The following CTNND2 variants were observed in gnomAD, a reference collection of about 807,000 sequenced individuals.
CTNND2 encodes catenin delta-2.
CTNND2 carries 22 observed loss-of-function variants against 144.4 expected under a neutral mutation model. The observed-to-expected ratio is 0.15, with a 90% CI of 0.11 to 0.22. The LOEUF is 0.22. Among genes scored for constraint, CTNND2 ranks in the 10% least tolerant of loss-of-function variants. The pLI is 1.00. For missense variants in CTNND2, 1,353 were observed against 1,618.8 expected (o/e 0.84, Z 2.82); for synonymous variants, 751 against 695.6 (o/e 1.08, Z -1.25).
chr5:11,875,313 A>G (rs1735480920), intron 1 of CTNND2, among the ~76,000 whole-genome samples: 1 of 152,176 alleles, frequency 6.6e-6, no homozygotes, highest in African/African-American at 2.4e-5. Context: ...TTCACTATTG[A>G]ATTTTTGTAA....
chr5:11,067,632 T>G (rs10454920), intron 16 of CTNND2, among the ~76,000 whole-genome samples: 28,679 of 152,212 alleles, frequency 0.19, 3,194 homozygotes, highest in Non-Finnish European at 0.26. Context: ...GTGAGAAACT[T>G]AGACACCTTG....
In CTNND2 at chr5:11,598,281, A is replaced by G. The variant is rs149874498; in HGVS notation, c.175-33225T>C. Among the ~76,000 whole-genome samples the G allele has an allele frequency of 4.6e-5, 7 of 152,264 alleles. No homozygotes were observed. The East Asian group carries it at 9.7e-4, about 21-fold the overall frequency. On this transcript the variant is annotated intron_variant, in intron 2 of 21. Transcript: ENST00000304623. ...CACATCATGTTCTTATTGGGTTTGT[A>G]TAATAATGATAAATCAGATTCTCCA...
intron 16 of CTNND2, among the ~76,000 whole-genome samples, chr5:11,071,021 G>T (rs187429411): frequency 6.6e-6 from 1 of 151,718 alleles, no homozygotes; most frequent in South Asian, 2.1e-4. Flanking sequence ...AAAAGGCCCA[G>T]GACACAGCAG....
chr5:11,642,941 T>C (rs1419367718), intron 2 of CTNND2, among the ~76,000 whole-genome samples: 1 of 152,166 alleles, frequency 6.6e-6, no homozygotes, highest in Admixed American at 6.5e-5. Context: ...GCTGCATGCA[T>C]TTGGGTCAGT....
At chr5:11,138,787 T>G (rs1756406228) in intron 12 of CTNND2, among the ~76,000 whole-genome samples, 1 of 152,138 alleles carries the variant, frequency 6.6e-6, no homozygotes. Context: ...GGCTTATAAT[T>G]TAGGTCATGA....
chr5:11,182,973 T>G (rs895439699), intron 11 of CTNND2, among the ~76,000 whole-genome samples: 2 of 152,220 alleles, frequency 1.3e-5, no homozygotes, highest in African/African-American at 4.8e-5. Context: ...GAGATATTCC[T>G]TTCCATTCAC....
chr5:11,903,866 G>C lies in CTNND2; in HGVS notation c.-13C>G, dbSNP rs1432090965. The C allele has an allele frequency of 2.0e-6, 3 of 1,476,874 alleles. No individual in the cohort carries two copies. Among genetic ancestry groups the C allele is most frequent in the Middle Eastern group, 1.8e-4 (1 of 5,612 alleles). 91.5% of individuals were successfully genotyped at this position (1,476,874 alleles called of 1,614,324 possible). A position where few individuals can be genotyped will look rare whatever the true frequency, so the allele number is the denominator to read the frequency against. On this transcript the variant is annotated 5_prime_UTR_variant, in exon 1 of 22. Coordinates refer to ENST00000304623, the MANE Select transcript of CTNND2 (RefSeq NM_001332.4). The surrounding 1 kb of genome is among the most constrained non-coding windows in gnomAD (Gnocchi z 5.4). ...TCCTCGCAAACATGCACCCTCCGCC[G>C]GCGACAGCTCCTCAGTCCGGGAAGA...
Position 11,611,223 on chromosome 5 carries a change from T to C in CTNND2, c.175-46167A>G, listed in dbSNP as rs187963700. ...GATGTGTTTGCTTCCCCTTCTGCCATGACTGTAAGTTTCCGGAGGCCTCGT... is the reference window on the plus strand; with the variant it reads ...GATGTGTTTGCTTCCCCTTCTGCCACGACTGTAAGTTTCCGGAGGCCTCGT... On this transcript the variant is annotated intron_variant, in intron 2 of 21. Coordinates refer to ENST00000304623, the MANE Select transcript of CTNND2 (RefSeq NM_001332.4). Among the ~76,000 whole-genome samples, 5 of 152,302 alleles carry C rather than the reference T, an allele frequency of 3.3e-5. No individual in the cohort carries two copies. The East Asian group carries it at 5.8e-4, about 18-fold the overall frequency.
At chr5:11,375,181 AC>A (rs1274761658) in intron 7 of CTNND2, among the ~76,000 whole-genome samples, 5 of 152,178 alleles carry the variant, frequency 3.3e-5, no homozygotes, top group Non-Finnish European at 5.9e-5. Context: ...CTTCTAAAAT[AC>A]AAACTGAAAA....
chr5:11,646,431 T>G (rs2126521998), intron 2 of CTNND2, among the ~76,000 whole-genome samples: 1 of 152,266 alleles, frequency 6.6e-6, no homozygotes, highest in South Asian at 2.1e-4. Flanking sequence ...TGCCAGAGCC[T>G]TTCACAATAA....
intron 1 of CTNND2, among the ~76,000 whole-genome samples, chr5:11,835,313 C>T (rs1794119489): frequency 6.6e-6 from 1 of 152,170 alleles, no homozygotes; most frequent in South Asian, 2.1e-4. Flanking sequence ...AATGTGGCCT[C>T]ATAAAATGAG....
intron 3 of CTNND2, among the ~76,000 whole-genome samples, chr5:11,430,560 C>A (rs1763204801): frequency 6.6e-6 from 1 of 152,130 alleles, no homozygotes; most frequent in African/African-American, 2.4e-5. Context: ...AATGCACTAT[C>A]CTGGGAAATG....
intron 3 of CTNND2, among the ~76,000 whole-genome samples, chr5:11,506,728 C>T (rs1771080343): frequency 6.6e-6 from 1 of 152,174 alleles, no homozygotes; most frequent in South Asian, 2.1e-4. Context: ...GAGGCATGCC[C>T]AGGGCTTGGC....
At chr5:11,782,611 T>C (rs1790604426) in intron 1 of CTNND2, among the ~76,000 whole-genome samples, 2 of 152,212 alleles carry the variant, frequency 1.3e-5, no homozygotes. Context: ...TTAATAATGG[T>C]TACATTCCAC....
rs150747148 is a variant in CTNND2 at position 11,112,742 on chromosome 5, C to T, written c.2278-1699G>A. Reference sequence around the variant, plus strand: ...TGGGATCTAGGGCTAGCCGGCTTGGCTTCCAATCCTGGGCCTACCATTTCA... The same window carrying T: ...TGGGATCTAGGGCTAGCCGGCTTGGTTTCCAATCCTGGGCCTACCATTTCA... On this transcript the variant is annotated intron_variant, in intron 13 of 21. Transcript: ENST00000304623. 1.1e-3 allele frequency among the ~76,000 whole-genome samples: 164 copies of T among 152,336 alleles called. 2 individuals are homozygous for T. In the East Asian group the frequency reaches 0.028, roughly 26 times the overall value.
chr5:11,237,693 C>A lies in CTNND2; in HGVS notation c.1629-870G>T, dbSNP rs138807144. Among the ~76,000 whole-genome samples the A allele has an allele frequency of 7.9e-5, 12 of 152,252 alleles. No individual in the cohort carries two copies. In the East Asian group the frequency reaches 1.9e-3, roughly 25 times the overall value. On this transcript the variant is annotated intron_variant, in intron 9 of 21. Transcript: ENST00000304623. ...AATGGATCAGGTATAGAGGTCATAT[C>A]TATTCTAGTATATTGTTTCAATAGT...
intron 11 of CTNND2, among the ~76,000 whole-genome samples, chr5:11,176,889 A>T (rs905331244): frequency 6.6e-6 from 1 of 152,188 alleles, no homozygotes; most frequent in Non-Finnish European, 1.5e-5. Flanking sequence ...GCCCTACTCA[A>T]CAACCATCTG....
intron 9 of CTNND2, among the ~76,000 whole-genome samples, chr5:11,286,984 C>T (rs1487878984): frequency 1.3e-5 from 2 of 152,070 alleles, no homozygotes; most frequent in African/African-American, 2.4e-5. Context: ...TGGAACACTA[C>T]CAAGTAGGAA....
intron 2 of CTNND2, among the ~76,000 whole-genome samples, chr5:11,610,116 A>G (rs73742881): frequency 0.015 from 2,240 of 152,162 alleles, 59 homozygotes; most frequent in African/African-American, 0.051. Flanking sequence ...CTCCCCATAC[A>G]CTGAGTTCTC....
Sources: allele counts gnomAD v4.1 joint callset (sites outside exome capture counted in the v4.1 genomes callset), GRCh38; gene constraint gnomAD v4.1.1; non-coding constraint Gnocchi (gnomAD v3.1); transcripts MANE v1.5; gene names NCBI Gene and HGNC (gene_info 2026-07-23, HGNC 2026-07-21).